Variants in ST18 observed in about 807,000 individuals in gnomAD.
ST18 encodes the protein ST18 C2H2C-type zinc finger transcription factor.
ST18 carries 50 observed loss-of-function variants against 110.0 expected under a neutral mutation model. The observed-to-expected ratio is 0.45, with a 90% CI of 0.36 to 0.58. The LOEUF (loss-of-function observed/expected upper bound fraction) is 0.58, where lower values mean the gene tolerates loss of function less well. Among genes scored for constraint, ST18 ranks in the 20% least tolerant of loss-of-function variants. The probability of loss-of-function intolerance (pLI) is 0.00; values close to 1 mark genes in which losing one functional copy is unlikely to be tolerated. For missense variants in ST18, 1,306 were observed against 1,280.1 expected, an observed-to-expected ratio of 1.02 and a Z score of -0.31; for synonymous variants, 461 against 452.4, an observed-to-expected ratio of 1.02 and a Z score of -0.24.
At position 52,223,029 on chromosome 8, in the gene ST18, C is replaced by T. The variant is rs1277462112; in HGVS notation, c.-418-1236G>A. On this transcript the variant is annotated intron_variant, in intron 3 of 25. Coordinates refer to ENST00000689386, the MANE Select transcript of ST18 (RefSeq NM_001352837.2). ...AGTGAGGTGTTAGTAACCTAACGGG[C>T]TACCCAATTCTAAAGTGTGCTCTCT... Among the ~76,000 whole-genome samples the T allele has an allele frequency of 2.6e-5, 4 of 152,296 alleles. No individual in the cohort carries two copies. The East Asian group carries it at 7.7e-4, about 29-fold the overall frequency.
chr8:52,132,364 A>G (rs1243755556), intron 21 of ST18, among the ~76,000 whole-genome samples, 185 bp from the exon 22 acceptor site: 1 of 152,224 alleles, frequency 6.6e-6, no homozygotes, highest in East Asian at 1.9e-4. Flanking sequence ...AATATTCACT[A>G]CAATCTACTG....
rs190016431 is a variant in ST18, at chr8:52,381,527, C to A, written c.-465+27801G>T. The stretch of plus-strand genomic sequence containing the variant: ...ACAAATTAATTGGTTTCTATCAAAA[C>A]AACTGCTCTTACAACTTATTTTAAT... On this transcript the variant is annotated intron_variant, in intron 2 of 25. Transcript: ENST00000689386. 4.2e-3 allele frequency among the ~76,000 whole-genome samples: 636 copies of A among 152,284 alleles called. 3 individuals carry two copies. The highest frequency in any genetic ancestry group is 0.014 in the African/African-American group (599 of 41,572).
At chr8:52,259,012 T>A (rs1043889131) in intron 2 of ST18, among the ~76,000 whole-genome samples, 1 of 152,198 alleles carries the variant, frequency 6.6e-6, no homozygotes, top group Non-Finnish European at 1.5e-5. Flanking sequence ...GTCATGGTGC[T>A]GGCCAGACCT....
intron 19 of ST18, 21 bp downstream of exon 19, chr8:52,136,569 G>T: frequency 6.2e-7 from 1 of 1,603,212 alleles, no homozygotes; most frequent in Non-Finnish European, 8.5e-7. Flanking sequence ...AGGGCAAGCC[G>T]GCCACGCTTC....
intron 2 of ST18, among the ~76,000 whole-genome samples, chr8:52,290,810 G>A (rs925053665): frequency 7.2e-5 from 11 of 152,118 alleles, no homozygotes; most frequent in Admixed American, 7.2e-4. Context: ...AGAACCTCAC[G>A]GCCTCTTGTG....
intron 23 of ST18, among the ~76,000 whole-genome samples, chr8:52,124,106 A>T (rs1226957583): frequency 6.7e-6 from 1 of 149,438 alleles, no homozygotes; most frequent in African/African-American, 2.6e-5. Flanking sequence ...CTCTTCGCAC[A>T]CGTCTTAGTG....
rs1006444517 is a variant in ST18, at chr8:52,110,960, TA to T, written c.*2237del. The T allele has an allele frequency of 3.0e-5, 12 of 397,730 alleles. No homozygotes were observed. The highest frequency in any genetic ancestry group is 6.2e-5 in the African/African-American group (3 of 48,640). The allele number at this position is 397,730 out of a possible 1,614,324, so 24.6% of individuals were successfully genotyped here. On this transcript the variant is annotated 3_prime_UTR_variant, in exon 26 of 26. Transcript: ENST00000689386. The stretch of plus-strand genomic sequence containing the variant: ...AGTATACAAACAAACTACCTCAAAT[TA>T]AAAAAAATGCATACATCATTGCCTT...
chr8:52,370,665 C>T (rs1341982027), intron 2 of ST18, among the ~76,000 whole-genome samples: 3 of 152,202 alleles, frequency 2.0e-5, no homozygotes, highest in African/African-American at 7.2e-5. Flanking sequence ...CAGGCTTCCT[C>T]ATGACGGCCT....
intron 2 of ST18, among the ~76,000 whole-genome samples, chr8:52,270,348 G>A (rs982851492): frequency 2.0e-5 from 3 of 152,030 alleles, no homozygotes; most frequent in Admixed American, 1.3e-4. Flanking sequence ...TGTGCTCCAG[G>A]GGCTTTTCAG....
chr8:52,387,076 T>A (rs1837079353), intron 2 of ST18, among the ~76,000 whole-genome samples: 1 of 152,142 alleles, frequency 6.6e-6, no homozygotes, highest in Admixed American at 6.5e-5. Flanking sequence ...AATTTCTTCC[T>A]TCCTTCCTTT....
At chr8:52,277,718 A>T (rs2095301168) in intron 2 of ST18, among the ~76,000 whole-genome samples, 1 of 152,252 alleles carries the variant, frequency 6.6e-6, no homozygotes, top group Non-Finnish European at 1.5e-5. Flanking sequence ...AATACTTAGA[A>T]ATCATAAAAT....
At chr8:52,273,648 A>G (rs1001021325) in intron 2 of ST18, among the ~76,000 whole-genome samples, 1 of 152,232 alleles carries the variant, frequency 6.6e-6, no homozygotes, top group African/African-American at 2.4e-5. Flanking sequence ...ATAATATGAC[A>G]CTGGCTGCTC....
intron 2 of ST18, among the ~76,000 whole-genome samples, chr8:52,396,443 G>C (rs558972024): frequency 6.6e-6 from 1 of 152,218 alleles, no homozygotes; most frequent in African/African-American, 2.4e-5. Flanking sequence ...CAAATGGCAG[G>C]ATCCTTTGTA....
intron 11 of ST18, among the ~76,000 whole-genome samples, chr8:52,166,218 A>T (rs975669280): frequency 1.4e-4 from 21 of 152,312 alleles, no homozygotes; most frequent in African/African-American, 4.8e-4. Flanking sequence ...GTGATTTAAC[A>T]TCTGGGGCCT....
chr8:52,363,655 C>T (rs1432864366), intron 2 of ST18, among the ~76,000 whole-genome samples: 2 of 152,090 alleles, frequency 1.3e-5, no homozygotes, highest in Non-Finnish European at 2.9e-5. Flanking sequence ...ATGTGCTAGG[C>T]CTAAGCAAGA....
intron 8 of ST18, among the ~76,000 whole-genome samples, chr8:52,191,112 C>T (rs1419663921): frequency 2.6e-5 from 4 of 152,162 alleles, no homozygotes. Context: ...ATAGCAAGTC[C>T]AGGCTGCAGT....
intron 2 of ST18, among the ~76,000 whole-genome samples, chr8:52,364,127 C>G (rs549549181): frequency 2.6e-5 from 4 of 152,184 alleles, no homozygotes; most frequent in Non-Finnish European, 5.9e-5. Flanking sequence ...AATTTACCCT[C>G]TTCACTAGTT....
At position 52,409,722 on chromosome 8, in the gene ST18, C is replaced by T. The variant is rs1200738053; in HGVS notation, c.-764G>A. The T allele has an allele frequency of 2.0e-5, 3 of 152,276 alleles. No homozygotes were observed. The highest frequency in any genetic ancestry group is 4.8e-5 in the African/African-American group (2 of 41,476). The allele number at this position is 152,276 out of a possible 1,614,324, so 9.4% of individuals were successfully genotyped here. A position where few individuals can be genotyped will look rare whatever the true frequency, so the allele number is the denominator to read the frequency against. On this transcript the variant is annotated 5_prime_UTR_variant, in exon 1 of 26. Coordinates refer to ENST00000689386, the MANE Select transcript of ST18 (RefSeq NM_001352837.2). The stretch of plus-strand genomic sequence containing the variant: ...GAGGTCACATTCAGTTAAAAACATC[C>T]TGCCCTTCTCCCTACAAAAAGGTTC...
intron 2 of ST18, among the ~76,000 whole-genome samples, chr8:52,361,411 G>A (rs192584569): frequency 3.5e-4 from 53 of 152,350 alleles, no homozygotes; most frequent in Middle Eastern, 3.4e-3. Context: ...AAGACATATG[G>A]AAGGCATGAA....
Sources: allele counts gnomAD v4.1 joint callset (sites outside exome capture counted in the v4.1 genomes callset), GRCh38; gene constraint gnomAD v4.1.1; transcripts MANE v1.5; gene names NCBI Gene and HGNC (gene_info 2026-07-23, HGNC 2026-07-21).